Variants in CDCP1 observed in about 807,000 individuals in gnomAD.
CDCP1 encodes the protein CUB domain containing protein 1.
CDCP1 carries 29 observed loss-of-function variants against 60.2 expected under a neutral mutation model. That is an observed-to-expected ratio of 0.48 (90% CI 0.36 to 0.66). The LOEUF (loss-of-function observed/expected upper bound fraction) is 0.66. Ranked by LOEUF, CDCP1 falls within the 30% of genes least tolerant of loss-of-function variation. The pLI is 0.00. For missense variants in CDCP1, 876 were observed against 1,074.3 expected (o/e 0.82, Z 2.58); for synonymous variants, 387 against 431.1 (o/e 0.90, Z 1.27).
chr3:45,112,597 G>C, intron 2 of CDCP1, 152 bp from the exon 3 acceptor site: 1 of 1,041,518 alleles, frequency 9.6e-7, no homozygotes, highest in Middle Eastern at 3.2e-4. Flanking sequence ...CAACTGCTGT[G>C]AGTCTTAGTG....
intron 2 of CDCP1, among the ~76,000 whole-genome samples, chr3:45,116,781 T>A (rs1698798518): frequency 6.6e-6 from 1 of 152,204 alleles, no homozygotes; most frequent in Admixed American, 6.5e-5. Context: ...TCCAATCCCC[T>A]CCTTGGTTAT....
intron 1 of CDCP1, among the ~76,000 whole-genome samples, chr3:45,129,933 G>T (rs886179252): frequency 6.6e-6 from 1 of 152,012 alleles, no homozygotes; most frequent in Non-Finnish European, 1.5e-5. Flanking sequence ...TTGTATGTCA[G>T]AATAGTGAAC....
intron 2 of CDCP1, among the ~76,000 whole-genome samples, chr3:45,116,076 C>A (rs7625872): frequency 0.19 from 28,709 of 151,804 alleles, 3,133 homozygotes; most frequent in East Asian, 0.36. Context: ...TATGTTATTG[C>A]CTGTTTTATT....
rs571398932 is a variant in CDCP1 at position 45,135,750 on chromosome 3, T to C, written c.82+10456A>G. The stretch of plus-strand genomic sequence containing the variant: ...ACAGACCTCAGGCACCAGGAGAATA[T>C]TTTGTCCTCCTCTTTCTCTTGTCTT... On this transcript the variant is annotated intron_variant, in intron 1 of 8. Coordinates refer to ENST00000296129, the MANE Select transcript of CDCP1 (RefSeq NM_022842.5). Among the ~76,000 whole-genome samples, 7 of 152,290 alleles carry C rather than the reference T, an allele frequency of 4.6e-5. No homozygotes were observed. In the South Asian group the frequency reaches 1.5e-3, roughly 32 times the overall value.
intron 4 of CDCP1, among the ~76,000 whole-genome samples, chr3:45,109,168 C>T (rs775888980): frequency 1.4e-4 from 21 of 151,602 alleles, no homozygotes; most frequent in Non-Finnish European, 2.4e-4. Flanking sequence ...AGGCTGGTCT[C>T]GAACTCCTGA....
At position 45,110,723 on chromosome 3, in the gene CDCP1, T is replaced by C. The variant is rs1698675137; in HGVS notation, c.774A>G (p.Ala258=). ...GGAAGGAGACGCTGGCCCGCAGGTGTGCAGGAACGACAAACTGCCACGTCA... is the reference window on the plus strand; with the variant it reads ...GGAAGGAGACGCTGGCCCGCAGGTGCGCAGGAACGACAAACTGCCACGTCA... The part of the protein sequence containing the change: ...ELMTWQFVVP[A]HLRASVSFLN... Residue 258 remains alanine (A), a synonymous_variant, in exon 4 of 9, where the codon GCA becomes GCG. Transcript: ENST00000296129. 2 of 1,614,036 alleles carry C rather than the reference T, an allele frequency of 1.2e-6. No individual in the cohort carries two copies. Among genetic ancestry groups the C allele is most frequent in the African/African-American group, 2.7e-5 (2 of 74,898 alleles).
intron 4 of CDCP1, among the ~76,000 whole-genome samples, chr3:45,097,368 C>T (rs537404983): frequency 6.6e-6 from 1 of 151,896 alleles, no homozygotes; most frequent in African/African-American, 2.4e-5. Context: ...ACCTTTTCAA[C>T]TCTTTAGAAT....
intron 7 of CDCP1, among the ~76,000 whole-genome samples, chr3:45,090,036 A>G (rs1189777798): frequency 1.3e-5 from 2 of 152,260 alleles, no homozygotes; most frequent in Non-Finnish European, 2.9e-5. Flanking sequence ...TCCAAAGGAA[A>G]GAGGAATGGA....
At chr3:45,122,523 G>A (rs909065889) in intron 1 of CDCP1, among the ~76,000 whole-genome samples, 2 of 151,908 alleles carry the variant, frequency 1.3e-5, no homozygotes, top group African/African-American at 4.8e-5. Flanking sequence ...GTGCAATGGC[G>A]TGATCTTGGC....
chr3:45,113,869 A>G (rs1307437946), intron 2 of CDCP1, among the ~76,000 whole-genome samples: 3 of 152,204 alleles, frequency 2.0e-5, no homozygotes, highest in African/African-American at 7.2e-5. Flanking sequence ...GGAAACTTCA[A>G]TGTTTATATC....
chr3:45,102,018 C>G (rs938965506), intron 4 of CDCP1, among the ~76,000 whole-genome samples: 13 of 152,118 alleles, frequency 8.5e-5, no homozygotes, highest in African/African-American at 2.9e-4. Context: ...AATAAATAGG[C>G]TTTTCCTTAC....
chr3:45,089,272 C>T, intron 7 of CDCP1, 131 bp from the exon 8 acceptor site: 1 of 680,902 alleles, frequency 1.5e-6, no homozygotes, highest in South Asian at 1.7e-5. Flanking sequence ...TCCTTGTGTG[C>T]ACATGGGGCT....
In CDCP1 at chr3:45,085,538, T is replaced by C. The variant is rs1481504944; in HGVS notation, c.*100A>G. On this transcript the variant is annotated 3_prime_UTR_variant, in exon 9 of 9. Transcript: ENST00000296129. This position sits in a 1 kb window ranked among gnomAD's most constrained non-coding sequence, Gnocchi z 4.2. The stretch of plus-strand genomic sequence containing the variant: ...CAGGAAAACCTCCTGCTGTTCCTTC[T>C]GTATAATTCCTCTTCTTTAGGATTT... The C allele has an allele frequency of 3.2e-6, 4 of 1,251,356 alleles. No individual in the cohort carries two copies. Among genetic ancestry groups the C allele is most frequent in the Non-Finnish European group, 4.5e-6 (4 of 892,068 alleles). 77.5% of individuals were successfully genotyped at this position (1,251,356 alleles called of 1,614,324 possible).
intron 1 of CDCP1, among the ~76,000 whole-genome samples, chr3:45,124,883 C>T (rs1288373416): frequency 6.6e-6 from 1 of 152,176 alleles, no homozygotes; most frequent in Non-Finnish European, 1.5e-5. Context: ...ATGATTTCTC[C>T]CAACCTTTAT....
intron 2 of CDCP1, among the ~76,000 whole-genome samples, chr3:45,117,737 C>T (rs1324040997): frequency 1.3e-5 from 2 of 152,078 alleles, no homozygotes; most frequent in African/African-American, 4.8e-5. Context: ...GCTGGGATTA[C>T]AGGCACCTGC....
intron 8 of CDCP1, 85 bp downstream of exon 8, chr3:45,088,969 C>A: frequency 9.1e-7 from 1 of 1,100,798 alleles, no homozygotes. Context: ...AGCAAGAAAA[C>A]AAAGTCAATA....
chr3:45,130,565 A>G (rs937058698), intron 1 of CDCP1, among the ~76,000 whole-genome samples: 2 of 152,230 alleles, frequency 1.3e-5, no homozygotes, highest in African/African-American at 4.8e-5. Context: ...GGTCCTGGGC[A>G]TAAGGTCTCA....
In CDCP1 at chr3:45,108,834, TA is replaced by T. The variant is rs1559392626; in HGVS notation, c.1024+1638del. On this transcript the variant is annotated intron_variant, in intron 4 of 8. Transcript: ENST00000296129. ...ATGTATACATATATATGCATGTATA[TA>T]TATATATGCATGTATACATATATAT... Among the ~76,000 whole-genome samples, 104 of 67,988 alleles carry T rather than the reference TA, an allele frequency of 1.5e-3. 19 individuals are homozygous for T. Among genetic ancestry groups the T allele is most frequent in the African/African-American group, 5.3e-3 (99 of 18,506 alleles). The allele number at this position is 67,988 out of a possible 152,430, so 44.6% of individuals were successfully genotyped here.
In CDCP1 at chr3:45,085,847, T is replaced by C; in HGVS notation, c.2302A>G (p.Thr768Ala). 6.2e-7 allele frequency: 1 copy of C among 1,614,146 alleles called. No individual in the cohort carries two copies. The highest frequency in any genetic ancestry group is 1.3e-5 in the African/African-American group (1 of 75,040). ...EVDTYRPFQG[T>A]MGVCPPSPPT... Reference sequence around the variant, plus strand: ...GGGGAGGGAGGACAGACCCCCATGGTGCCCTGGAACGGCCGGTAGGTGTCC... The same window carrying C: ...GGGGAGGGAGGACAGACCCCCATGGCGCCCTGGAACGGCCGGTAGGTGTCC... The change falls in exon 9 of 9, where the codon ACC (threonine) becomes GCC (alanine). Residue 768 changes from threonine (T) to alanine (A), a missense_variant. By Grantham distance (58) the Thr-to-Ala change is moderately conservative. This residue lies in a region of CDCP1 where 726 missense variants were observed against 935.7 expected (regional missense o/e 0.78). Transcript: ENST00000296129. This position sits in a 1 kb window ranked among gnomAD's most constrained non-coding sequence, Gnocchi z 4.2.
Sources: allele counts gnomAD v4.1 joint callset (sites outside exome capture counted in the v4.1 genomes callset), GRCh38; gene constraint gnomAD v4.1.1; regional missense constraint gnomAD v4.1.1; non-coding constraint Gnocchi (gnomAD v3.1); transcripts MANE v1.5; gene names NCBI Gene and HGNC (gene_info 2026-07-23, HGNC 2026-07-21).